The following MACROD2 variants were observed in gnomAD, a reference collection of about 807,000 sequenced individuals.
The protein encoded by MACROD2 is mono-ADP ribosylhydrolase 2.
Under a neutral mutation model 70.4 loss-of-function variants are expected in MACROD2, and 36 were observed. That is an observed-to-expected ratio of 0.51 (90% CI 0.39 to 0.68). The LOEUF is 0.68. Among genes scored for constraint, MACROD2 ranks in the 30% least tolerant of loss-of-function variants. The probability of loss-of-function intolerance (pLI) is 0.00; values close to 1 mark genes in which losing one functional copy is unlikely to be tolerated. For missense variants in MACROD2, 496 were observed against 538.4 expected (o/e 0.92, Z 0.78); for synonymous variants, 172 against 178.8 (o/e 0.96, Z 0.30).
At chr20:15,570,290 G>A (rs948827284) in intron 8 of MACROD2, among the ~76,000 whole-genome samples, 1 of 152,232 alleles carries the variant, frequency 6.6e-6, no homozygotes, top group Non-Finnish European at 1.5e-5. Context: ...TTTTCTTGAT[G>A]ATTAGTGATG....
At chr20:14,463,642 C>T (rs1407807688) in intron 3 of MACROD2, among the ~76,000 whole-genome samples, 2 of 152,030 alleles carry the variant, frequency 1.3e-5, no homozygotes, top group African/African-American at 4.8e-5. Flanking sequence ...CCAGTTTTTG[C>T]CCATTCAGTA....
At chr20:15,356,046 G>A (rs1040022872) in intron 6 of MACROD2, among the ~76,000 whole-genome samples, 10 of 151,834 alleles carry the variant, frequency 6.6e-5, no homozygotes, top group Admixed American at 6.6e-4. Flanking sequence ...ATGATATTAG[G>A]TGTTGCTTCA....
chr20:14,123,370 G>A (rs1055128412), intron 3 of MACROD2, among the ~76,000 whole-genome samples: 2 of 151,982 alleles, frequency 1.3e-5, no homozygotes, highest in African/African-American at 4.8e-5. Context: ...ATGTGGCATT[G>A]GTCATACTGT....
intron 5 of MACROD2, among the ~76,000 whole-genome samples, chr20:14,988,915 T>A (rs1208558807): frequency 6.6e-6 from 1 of 152,150 alleles, no homozygotes; most frequent in Non-Finnish European, 1.5e-5. Flanking sequence ...TTAAATTATT[T>A]ATTCTAAAAA....
chr20:14,307,012 AACAC>A (rs3044626), intron 3 of MACROD2, among the ~76,000 whole-genome samples: 49,254 of 148,094 alleles, frequency 0.33, 9,802 homozygotes, highest in Non-Finnish European at 0.45. Context: ...ACTAAATGTA[AACAC>A]ACACACACAC....
intron 4 of MACROD2, among the ~76,000 whole-genome samples, chr20:14,557,774 T>A (rs1979137328): frequency 6.6e-6 from 1 of 151,802 alleles, no homozygotes; most frequent in African/African-American, 2.4e-5. Context: ...CCATTGCTGG[T>A]GGGATTGTAA....
intron 6 of MACROD2, among the ~76,000 whole-genome samples, chr20:15,374,448 C>G (rs924479714): frequency 6.6e-6 from 1 of 152,006 alleles, no homozygotes; most frequent in African/African-American, 2.4e-5. Flanking sequence ...TTCAACTACA[C>G]CAAGCCCACT....
intron 5 of MACROD2, among the ~76,000 whole-genome samples, chr20:14,896,867 A>G (rs2073836694): frequency 6.6e-6 from 1 of 152,198 alleles, no homozygotes. Flanking sequence ...AAACTGTTGC[A>G]TTAATTTGTC....
At chr20:15,968,151 C>T (rs2066171220) in intron 13 of MACROD2, among the ~76,000 whole-genome samples, 1 of 152,154 alleles carries the variant, frequency 6.6e-6, no homozygotes, top group African/African-American at 2.4e-5. Context: ...GAACAGACAT[C>T]TGCATAGCTT....
At chr20:14,817,904 G>A (rs1022123087) in intron 5 of MACROD2, among the ~76,000 whole-genome samples, 4 of 152,090 alleles carry the variant, frequency 2.6e-5, no homozygotes, top group African/African-American at 9.7e-5. Flanking sequence ...TTCAGAGAAA[G>A]CACTGAGCCA....
chr20:15,965,225 A>T (rs1270694048), intron 12 of MACROD2, among the ~76,000 whole-genome samples: 1 of 152,220 alleles, frequency 6.6e-6, no homozygotes, highest in Admixed American at 6.5e-5. Flanking sequence ...AACATATCAG[A>T]AGGTGCATTA....
intron 8 of MACROD2, among the ~76,000 whole-genome samples, chr20:15,632,942 C>A (rs1428259799): frequency 6.6e-6 from 1 of 151,254 alleles, no homozygotes; most frequent in East Asian, 1.9e-4. Flanking sequence ...TTCTTCCTTC[C>A]TCCCCTCCTT....
intron 3 of MACROD2, among the ~76,000 whole-genome samples, chr20:14,472,200 A>G (rs1232833493): frequency 6.6e-6 from 1 of 152,176 alleles, no homozygotes; most frequent in Non-Finnish European, 1.5e-5. Context: ...AGAATAAGCA[A>G]TCTGTTCAAT....
chr20:14,559,177 A>G (rs1979259885), intron 4 of MACROD2, among the ~76,000 whole-genome samples: 1 of 151,812 alleles, frequency 6.6e-6, no homozygotes, highest in African/African-American at 2.4e-5. Context: ...CCTGTTAGAA[A>G]TATTTATCAA....
At chr20:15,390,845 C>G (rs1050293858) in intron 6 of MACROD2, among the ~76,000 whole-genome samples, 17 of 152,124 alleles carry the variant, frequency 1.1e-4, no homozygotes, top group Admixed American at 1.1e-3. Context: ...AGTTTTTTTG[C>G]AAAGCAGATT....
chr20:15,450,589 A>T (rs1474324521), intron 7 of MACROD2, among the ~76,000 whole-genome samples: 1 of 152,126 alleles, frequency 6.6e-6, no homozygotes, highest in Non-Finnish European at 1.5e-5. Context: ...GTGTTTCTAT[A>T]TGTCAGTTTT....
intron 5 of MACROD2, among the ~76,000 whole-genome samples, chr20:14,775,130 A>G (rs1191244291): frequency 6.6e-6 from 1 of 152,108 alleles, no homozygotes; most frequent in Non-Finnish European, 1.5e-5. Context: ...TTTACCACTT[A>G]TGAAAAGAAC....
chr20:14,936,404 A>G (rs1600847806), intron 5 of MACROD2, among the ~76,000 whole-genome samples: 1 of 152,192 alleles, frequency 6.6e-6, no homozygotes, highest in East Asian at 1.9e-4. Context: ...CATCTGCTCT[A>G]GGTCCCATAA....
rs115954604 is a variant in MACROD2 at position 14,726,742 on chromosome 20, G to T, written c.418+41783G>T. On this transcript the variant is annotated intron_variant, in intron 5 of 17. Transcript: ENST00000684519. ...CACATCTCATAAGTACGAAAGTAGG[G>T]ATTCAAACCCAGGCACCTGCCTCCA... Among the ~76,000 whole-genome samples the T allele has an allele frequency of 5.0e-3, 761 of 152,218 alleles. 7 individuals carry two copies. Among genetic ancestry groups the T allele is most frequent in the African/African-American group, 0.017 (726 of 41,494 alleles).
Sources: gnomAD v4.1 joint callset for allele counts (sites outside exome capture counted in the v4.1 genomes callset) on GRCh38, gnomAD v4.1.1 for gene constraint, MANE v1.5 for transcripts, NCBI Gene and HGNC (gene_info 2026-07-23, HGNC 2026-07-21) for gene names.